Variants in DGKB observed in about 807,000 individuals in gnomAD.
DGKB encodes diacylglycerol kinase beta.
Under a neutral mutation model 114.3 loss-of-function variants are expected in DGKB, and 67 were observed. The observed-to-expected ratio is 0.59, with a 90% CI of 0.48 to 0.72. The LOEUF is 0.72. DGKB is among the 30% of genes least tolerant of loss of function. The pLI, the probability that DGKB is intolerant of heterozygous loss-of-function variation, is 0.00. For missense variants in DGKB, 907 were observed against 975.2 expected (o/e 0.93, Z 0.93); for synonymous variants, 398 against 323.1 (o/e 1.23, Z -2.49).
rs114069013 is a variant in DGKB, at chr7:14,336,868, A to C, written c.2122+1647T>G. Among the ~76,000 whole-genome samples the C allele has an allele frequency of 6.2e-3, 937 of 152,320 alleles. 14 individuals carry two copies. Among genetic ancestry groups the C allele is most frequent in the African/African-American group, 0.021 (885 of 41,564 alleles). On this transcript the variant is annotated intron_variant, in intron 23 of 25. Transcript: ENST00000402815. ...AACCCAGTGGGTGAATGTAGTTGGC[A>C]GCTGAGCCATTGAGAATCAATTTGT...
chr7:14,857,167 T>C (rs1850270793), intron 1 of DGKB, among the ~76,000 whole-genome samples: 1 of 151,820 alleles, frequency 6.6e-6, no homozygotes, highest in Non-Finnish European at 1.5e-5. Flanking sequence ...GGTCTAGAGG[T>C]AAGAGAATTG....
intron 21 of DGKB, among the ~76,000 whole-genome samples, chr7:14,409,023 T>C (rs10241808): frequency 0.75 from 113,381 of 151,158 alleles, 43,098 homozygotes; most frequent in Middle Eastern, 0.83. Context: ...ACACGAACAC[T>C]TGCAAACAAT....
At chr7:14,171,026 G>A (rs1462686415) in intron 25 of DGKB, among the ~76,000 whole-genome samples, 1 of 152,150 alleles carries the variant, frequency 6.6e-6, no homozygotes, top group Non-Finnish European at 1.5e-5. Context: ...AGGGTACCCA[G>A]GATTTGAAAG....
intron 21 of DGKB, among the ~76,000 whole-genome samples, chr7:14,364,397 GA>G (rs61170373): frequency 1.6e-3 from 230 of 147,108 alleles, no homozygotes; most frequent in Non-Finnish European, 1.4e-3. Context: ...GAAAGCAAAG[GA>G]AAAAAAAAGA....
At chr7:14,697,595 GTAACT>G (rs1164574043) in intron 8 of DGKB, among the ~76,000 whole-genome samples, 2 of 149,894 alleles carry the variant, frequency 1.3e-5, no homozygotes, top group African/African-American at 4.9e-5. Context: ...ATTAGAAATA[GTAACT>G]TAGTTATCAA....
chr7:14,840,364 AT>A (rs1429412234), intron 2 of DGKB, among the ~76,000 whole-genome samples: 15 of 151,914 alleles, frequency 9.9e-5, no homozygotes, highest in African/African-American at 3.6e-4. Context: ...GGTGCCTGCT[AT>A]TAATTAGTTG....
chr7:14,569,635 G>A (rs1010268662), intron 20 of DGKB, among the ~76,000 whole-genome samples: 2 of 151,944 alleles, frequency 1.3e-5, no homozygotes, highest in African/African-American at 4.8e-5. Flanking sequence ...GGACCATTCT[G>A]TTATAATTAT....
Position 14,283,511 on chromosome 7 carries a change from T to C in DGKB, c.2122+55004A>G, listed in dbSNP as rs896848290. The stretch of plus-strand genomic sequence containing the variant: ...CTTTCTTCACAGAATTGGAAAAAAC[T>C]ACTTTAAAGTTCATATGGAACCAAA... On this transcript the variant is annotated intron_variant, in intron 23 of 25. Coordinates refer to ENST00000402815, the MANE Select transcript of DGKB (RefSeq NM_001350709.2). Among the ~76,000 whole-genome samples the C allele has an allele frequency of 9.4e-4, 141 of 150,078 alleles. 1 individual carries two copies. Among genetic ancestry groups the C allele is most frequent in the African/African-American group, 3.5e-3 (138 of 39,878 alleles).
intron 21 of DGKB, among the ~76,000 whole-genome samples, chr7:14,396,106 G>T (rs1044462252): frequency 2.0e-5 from 3 of 151,976 alleles, no homozygotes; most frequent in Admixed American, 6.6e-5. Context: ...GTTAGGATGA[G>T]ATTTCCTTCT....
intron 23 of DGKB, among the ~76,000 whole-genome samples, chr7:14,319,069 T>G (rs917478808): frequency 7.0e-6 from 1 of 143,388 alleles, no homozygotes; most frequent in Non-Finnish European, 1.5e-5. Context: ...TGCTCACTCA[T>G]AGGTGGGAAT....
intron 13 of DGKB, among the ~76,000 whole-genome samples, chr7:14,659,669 C>T (rs1816621079): frequency 6.8e-6 from 1 of 148,074 alleles, no homozygotes; most frequent in Admixed American, 6.9e-5. Flanking sequence ...ACAATCATGT[C>T]GTCTGCAAAC....
intron 2 of DGKB, among the ~76,000 whole-genome samples, chr7:14,824,905 G>T (rs570991262): frequency 6.7e-6 from 1 of 149,990 alleles, no homozygotes; most frequent in African/African-American, 2.4e-5. Context: ...AAGAAAAATA[G>T]CTGATTTGCT....
At chr7:14,712,848 A>G (rs1437749243) in intron 6 of DGKB, among the ~76,000 whole-genome samples, 26 of 152,092 alleles carry the variant, frequency 1.7e-4, no homozygotes, top group Admixed American at 1.7e-3. Context: ...ATTATATAGT[A>G]AGACTATTTC....
At chr7:14,936,472 C>T (rs36873) in intron 1 of DGKB, among the ~76,000 whole-genome samples, 80,009 of 151,974 alleles carry the variant, frequency 0.53, 22,752 homozygotes, top group East Asian at 0.77. Flanking sequence ...ACTCATATAG[C>T]GGCAGACAAA....
intron 4 of DGKB, among the ~76,000 whole-genome samples, chr7:14,752,973 G>A (rs1344240535): frequency 6.6e-6 from 1 of 152,136 alleles, no homozygotes; most frequent in Non-Finnish European, 1.5e-5. Flanking sequence ...ATCAGGAAAA[G>A]GCCATGCTCT....
chr7:14,834,683 A>G (rs186530713), intron 2 of DGKB, among the ~76,000 whole-genome samples: 2 of 152,280 alleles, frequency 1.3e-5, no homozygotes, highest in East Asian at 3.9e-4. Flanking sequence ...CAAAAAATGA[A>G]CTTCTGTTGT....
At chr7:14,697,839 G>C (rs971547334) in intron 8 of DGKB, among the ~76,000 whole-genome samples, 1 of 138,930 alleles carries the variant, frequency 7.2e-6, no homozygotes. Context: ...AGAGAAGGAA[G>C]GAAGGGAGAG....
chr7:14,671,158 T>C (rs923971487), intron 13 of DGKB, among the ~76,000 whole-genome samples: 1 of 151,940 alleles, frequency 6.6e-6, no homozygotes, highest in Non-Finnish European at 1.5e-5. Flanking sequence ...TTGAGAAGAA[T>C]ACTAAGAGAG....
intron 21 of DGKB, among the ~76,000 whole-genome samples, chr7:14,428,039 T>C (rs568864167): frequency 6.6e-6 from 1 of 152,216 alleles, no homozygotes; most frequent in South Asian, 2.1e-4. Context: ...TTTCAATATT[T>C]TCAATATTGA....
Sources: allele counts gnomAD v4.1 joint callset (sites outside exome capture counted in the v4.1 genomes callset), GRCh38; gene constraint gnomAD v4.1.1; transcripts MANE v1.5; gene names NCBI Gene and HGNC (gene_info 2026-07-23, HGNC 2026-07-21).